The following UNC5D variants were observed in gnomAD, a reference collection of about 807,000 sequenced individuals.
UNC5D encodes the protein unc-5 netrin receptor D.
A neutral mutation model predicts 105.4 loss-of-function variants in UNC5D; 39 were observed. The observed-to-expected ratio is 0.37, with a 90% CI of 0.29 to 0.48. The LOEUF is 0.48. Among genes scored for constraint, UNC5D ranks in the 20% least tolerant of loss-of-function variants. UNC5D has a pLI of 0.98. For missense variants in UNC5D, 991 were observed against 1,202.4 expected, an observed-to-expected ratio of 0.82 and a Z score of 2.60; for synonymous variants, 452 against 450.4, an observed-to-expected ratio of 1.00 and a Z score of -0.04.
chr8:35,429,177 T>C (rs1240765572), intron 1 of UNC5D, among the ~76,000 whole-genome samples: 1 of 152,176 alleles, frequency 6.6e-6, no homozygotes, highest in East Asian at 1.9e-4. Context: ...AATCTTCATT[T>C]TATCCCTTTC....
intron 7 of UNC5D, among the ~76,000 whole-genome samples, chr8:35,701,911 AATAT>A (rs1399483658): frequency 1.3e-5 from 2 of 148,434 alleles, no homozygotes; most frequent in African/African-American, 4.9e-5. Context: ...TATTATATAC[AATAT>A]ATAATATATA....
chr8:35,492,344 TG>T (rs954759137), intron 1 of UNC5D, among the ~76,000 whole-genome samples: 7 of 152,174 alleles, frequency 4.6e-5, no homozygotes, highest in African/African-American at 1.4e-4. Context: ...ATTTTGTCAG[TG>T]GGGTATACTG....
chr8:35,714,417 G>A (rs934487085), intron 8 of UNC5D, among the ~76,000 whole-genome samples: 2 of 152,204 alleles, frequency 1.3e-5, no homozygotes, highest in African/African-American at 4.8e-5. Context: ...AGATGAGGCA[G>A]GAGATGTTAA....
chr8:35,703,057 C>T (rs1415757751), intron 7 of UNC5D, among the ~76,000 whole-genome samples: 2 of 151,862 alleles, frequency 1.3e-5, no homozygotes, highest in Non-Finnish European at 2.9e-5. Flanking sequence ...TTTTGATTTG[C>T]GTTGGTCTCA....
At chr8:35,435,144 C>G (rs957361808) in intron 1 of UNC5D, among the ~76,000 whole-genome samples, 45 of 151,902 alleles carry the variant, frequency 3.0e-4, no homozygotes, top group African/African-American at 1.1e-3. Flanking sequence ...TGGGGTTTAT[C>G]AAAATTACTG....
intron 1 of UNC5D, among the ~76,000 whole-genome samples, chr8:35,368,479 A>G (rs1802259014): frequency 6.6e-6 from 1 of 152,088 alleles, no homozygotes; most frequent in Non-Finnish European, 1.5e-5. Flanking sequence ...ACATTCTATT[A>G]TATAACCACC....
intron 1 of UNC5D, among the ~76,000 whole-genome samples, chr8:35,264,898 C>T (rs564104311): frequency 2.8e-4 from 43 of 152,264 alleles, no homozygotes; most frequent in African/African-American, 9.1e-4. Context: ...TTGCAGAGTA[C>T]AGCTGAGGGA....
chr8:35,712,264 C>T (rs184058414), intron 8 of UNC5D, among the ~76,000 whole-genome samples: 50 of 152,220 alleles, frequency 3.3e-4, no homozygotes, highest in Non-Finnish European at 4.9e-4. Context: ...GAGTGAGACT[C>T]CATTTCAAAA....
chr8:35,646,069 GAAT>G (rs1257850373), intron 4 of UNC5D, among the ~76,000 whole-genome samples: 1 of 152,130 alleles, frequency 6.6e-6, no homozygotes, highest in African/African-American at 2.4e-5. Context: ...AAATGGATTA[GAAT>G]AATATCAATT....
At chr8:35,586,720 C>T (rs944676961) in intron 3 of UNC5D, among the ~76,000 whole-genome samples, 15 of 152,102 alleles carry the variant, frequency 9.9e-5, no homozygotes, top group Admixed American at 4.6e-4. Context: ...TCATTCCATC[C>T]TCCTGGAATC....
chr8:35,237,996 C>A (rs188234261), intron 1 of UNC5D, among the ~76,000 whole-genome samples: 29 of 152,256 alleles, frequency 1.9e-4, no homozygotes, highest in Admixed American at 1.7e-3. Flanking sequence ...GGCATGCTTG[C>A]CTGACCACTA....
chr8:35,492,024 AAGTGAT>A (rs1338197393), intron 1 of UNC5D, among the ~76,000 whole-genome samples: 1 of 152,100 alleles, frequency 6.6e-6, no homozygotes, highest in African/African-American at 2.4e-5. Context: ...AGTTCTCCAT[AAGTGAT>A]AGTCTCAAAT....
chr8:35,779,217 G>T (rs750685642), intron 16 of UNC5D, among the ~76,000 whole-genome samples: 4 of 152,216 alleles, frequency 2.6e-5, no homozygotes, highest in African/African-American at 9.6e-5. Flanking sequence ...AATTGGTCAT[G>T]TAGCGGGTAG....
At chr8:35,688,168 A>C (rs1323842987) in intron 7 of UNC5D, among the ~76,000 whole-genome samples, 1 of 151,876 alleles carries the variant, frequency 6.6e-6, no homozygotes, top group Non-Finnish European at 1.5e-5. Flanking sequence ...CAACAAAAAA[A>C]AACACACACA....
intron 1 of UNC5D, among the ~76,000 whole-genome samples, chr8:35,253,864 G>A (rs2128814226): frequency 6.6e-6 from 1 of 152,144 alleles, no homozygotes; most frequent in Non-Finnish European, 1.5e-5. Flanking sequence ...CTAATGATCT[G>A]CAATGTCACC....
intron 1 of UNC5D, among the ~76,000 whole-genome samples, chr8:35,487,789 C>T (rs919488852): frequency 3.0e-4 from 46 of 152,046 alleles, no homozygotes; most frequent in African/African-American, 9.7e-4. Flanking sequence ...TTGCTAGAAA[C>T]GTGGACATAA....
intron 4 of UNC5D, among the ~76,000 whole-genome samples, chr8:35,607,746 C>T (rs1416264287): frequency 6.6e-6 from 1 of 151,944 alleles, no homozygotes; most frequent in Admixed American, 6.6e-5. Context: ...CTTCTCCTTC[C>T]TGCTGTCTTG....
chr8:35,622,647 T>C (rs1821429270), intron 4 of UNC5D, among the ~76,000 whole-genome samples: 1 of 152,226 alleles, frequency 6.6e-6, no homozygotes, highest in Non-Finnish European at 1.5e-5. Flanking sequence ...TGTTTGTTGT[T>C]AGTAGTATTA....
intron 1 of UNC5D, among the ~76,000 whole-genome samples, chr8:35,369,388 A>AGT (rs1802305004): frequency 6.6e-6 from 1 of 152,222 alleles, no homozygotes; most frequent in Non-Finnish European, 1.5e-5. Flanking sequence ...GCAGAATTCA[A>AGT]GTATATACAC....
Sources: allele counts gnomAD v4.1 joint callset (sites outside exome capture counted in the v4.1 genomes callset), GRCh38; gene constraint gnomAD v4.1.1; transcripts MANE v1.5; gene names NCBI Gene and HGNC (gene_info 2026-07-23, HGNC 2026-07-21).